Variants in SCFD1 observed in about 807,000 individuals in gnomAD.
SCFD1 encodes the protein sec1 family domain-containing protein 1.
In SCFD1, 37 loss-of-function variants were observed where a neutral mutation model predicts 103.2. The observed-to-expected ratio is 0.36, with a 90% CI of 0.28 to 0.47. The LOEUF (loss-of-function observed/expected upper bound fraction) is 0.47. Among genes scored for constraint, SCFD1 ranks in the 20% least tolerant of loss-of-function variants. The probability of loss-of-function intolerance (pLI) is 1.00; values close to 1 mark genes in which losing one functional copy is unlikely to be tolerated. For missense variants in SCFD1, 639 were observed against 761.2 expected, an observed-to-expected ratio of 0.84 and a Z score of 1.89; for synonymous variants, 264 against 245.0, an observed-to-expected ratio of 1.08 and a Z score of -0.73.
chr14:30,718,140 A>T (rs1892412709), intron 20 of SCFD1, among the ~76,000 whole-genome samples: 1 of 152,198 alleles, frequency 6.6e-6, no homozygotes, highest in South Asian at 2.1e-4. Flanking sequence ...AGAACTAGAG[A>T]GTTAAAGAAA....
chr14:30,634,005 C>T lies in SCFD1; in HGVS notation c.280C>T (p.Pro94Ser). The change falls in exon 4 of 25, where the codon CCA becomes TCA. Residue 94 changes from proline to serine, a missense_variant. Coordinates refer to ENST00000458591, the MANE Select transcript of SCFD1 (RefSeq NM_016106.4). ...PDVPAVYFVMPTEENIDRMCQ... is the reference protein window; with the variant it reads ...PDVPAVYFVMSTEENIDRMCQ... ...TGTTCCTGCAGTATACTTTGTAATGCCAACTGAAGAAAATATTGACAGAAT... is the reference window on the plus strand; with the variant it reads ...TGTTCCTGCAGTATACTTTGTAATGTCAACTGAAGAAAATATTGACAGAAT... The T allele has an allele frequency of 6.3e-7, 1 of 1,597,422 alleles. No individual in the cohort carries two copies. The highest frequency in any genetic ancestry group is 8.6e-7 in the Non-Finnish European group (1 of 1,168,782).
rs1293025184 is a variant in SCFD1, at chr14:30,653,480, T to C, written c.756-9T>C. ...GAGTTATGTAATTTTTTTATATGTA[T>C]ATTTACAGCTTCCAGAGGCCCTTAT... On this transcript the variant is annotated splice_polypyrimidine_tract_variant and intron_variant, in intron 9 of 24. Coordinates refer to ENST00000458591, the MANE Select transcript of SCFD1 (RefSeq NM_016106.4). 1.5e-5 allele frequency: 23 copies of C among 1,582,778 alleles called. No individual in the cohort carries two copies. The Admixed American group carries it at 3.9e-4, about 27-fold the overall frequency.
At chr14:30,691,346 A>G (rs1890283424) in intron 14 of SCFD1, among the ~76,000 whole-genome samples, 1 of 152,198 alleles carries the variant, frequency 6.6e-6, no homozygotes, top group Admixed American at 6.5e-5. Context: ...CATTTAATGG[A>G]TCACTTGTAT....
At chr14:30,650,235 C>T (rs1226394518) in intron 8 of SCFD1, among the ~76,000 whole-genome samples, 2 of 151,514 alleles carry the variant, frequency 1.3e-5, no homozygotes, top group African/African-American at 4.9e-5. Flanking sequence ...TCCATATAGA[C>T]ACCTTCCTTG....
At chr14:30,732,005 CTTA>C (rs1356695925) in intron 23 of SCFD1, among the ~76,000 whole-genome samples, 3 of 152,074 alleles carry the variant, frequency 2.0e-5, no homozygotes. Context: ...ATAAATAGCT[CTTA>C]TTATTTTGAG....
At chr14:30,625,605 GTATA>G (rs1883316470) in intron 1 of SCFD1, among the ~76,000 whole-genome samples, 2 of 60,296 alleles carry the variant, frequency 3.3e-5, no homozygotes, top group East Asian at 4.2e-4. Context: ...TTTGTTATAG[GTATA>G]GGTATACCTA....
intron 14 of SCFD1, chr14:30,683,385 T>A: frequency 1.8e-6 from 1 of 542,184 alleles, no homozygotes; most frequent in East Asian, 4.2e-5. Flanking sequence ...CAGGTCTTCA[T>A]ATATTGTGGC....
chr14:30,669,584 G>A (rs1214720822), intron 10 of SCFD1, among the ~76,000 whole-genome samples: 3 of 151,842 alleles, frequency 2.0e-5, no homozygotes, highest in African/African-American at 7.3e-5. Context: ...CAAAAATCAA[G>A]CCTCACGTGA....
intron 1 of SCFD1, among the ~76,000 whole-genome samples, chr14:30,624,628 C>T (rs1329530554): frequency 6.6e-6 from 1 of 152,160 alleles, no homozygotes; most frequent in Non-Finnish European, 1.5e-5. Flanking sequence ...TATTTGGTCT[C>T]TTTGCTTTTA....
intron 20 of SCFD1, among the ~76,000 whole-genome samples, chr14:30,717,655 G>A (rs900658968): frequency 2.6e-5 from 4 of 151,992 alleles, no homozygotes; most frequent in African/African-American, 9.7e-5. Flanking sequence ...ACTTTGGGAG[G>A]CCGAAGCAGG....
intron 14 of SCFD1, among the ~76,000 whole-genome samples, chr14:30,675,785 G>T (rs1345504414): frequency 6.6e-6 from 1 of 152,186 alleles, no homozygotes; most frequent in Non-Finnish European, 1.5e-5. Flanking sequence ...CTGGCTGTCA[G>T]AGAAGTTGAT....
At chr14:30,629,275 A>G (rs909783821) in intron 2 of SCFD1, among the ~76,000 whole-genome samples, 6 of 152,184 alleles carry the variant, frequency 3.9e-5, no homozygotes, top group African/African-American at 1.4e-4. Context: ...TTATAACTAG[A>G]GCAGAAAGAT....
rs1331311745 is a variant in SCFD1 at position 30,679,911 on chromosome 14, T to C, written c.1242+4846T>C. 2.6e-5 allele frequency among the ~76,000 whole-genome samples: 4 copies of C among 152,188 alleles called. No homozygotes were observed. In the South Asian group the frequency reaches 8.3e-4, roughly 32 times the overall value. Reference sequence around the variant, plus strand: ...GAAAAATATATTCTGTATCAGAAAGTTCACAGTGGATGAGCTATCACTTGT... The same window carrying C: ...GAAAAATATATTCTGTATCAGAAAGCTCACAGTGGATGAGCTATCACTTGT... On this transcript the variant is annotated intron_variant, in intron 14 of 24. Coordinates refer to ENST00000458591, the MANE Select transcript of SCFD1 (RefSeq NM_016106.4).
intron 1 of SCFD1, among the ~76,000 whole-genome samples, chr14:30,625,466 G>A (rs771956163): frequency 6.6e-6 from 1 of 152,074 alleles, no homozygotes; most frequent in Admixed American, 6.6e-5. Context: ...TATATTTAGA[G>A]CCAATAAGAA....
At chr14:30,733,467 A>G (rs1893626227) in intron 23 of SCFD1, among the ~76,000 whole-genome samples, 1 of 152,230 alleles carries the variant, frequency 6.6e-6, no homozygotes, top group Non-Finnish European at 1.5e-5. Context: ...GAAAAGAATG[A>G]TGATGAGTAA....
intron 10 of SCFD1, among the ~76,000 whole-genome samples, chr14:30,655,497 T>C (rs141024972): frequency 1.4e-3 from 213 of 152,336 alleles, no homozygotes; most frequent in African/African-American, 4.9e-3. Context: ...GATTCTAATA[T>C]ACATTTGAAG....
At chr14:30,700,548 C>A (rs1891011225) in intron 16 of SCFD1, among the ~76,000 whole-genome samples, 2 of 152,102 alleles carry the variant, frequency 1.3e-5, no homozygotes, top group African/African-American at 4.8e-5. Context: ...GTGGCGTGCG[C>A]CTGTAATCCC....
At chr14:30,694,680 T>C (rs1890568992) in intron 14 of SCFD1, 93 bp from the exon 15 acceptor site, 1 of 1,421,658 alleles carries the variant, frequency 7.0e-7, no homozygotes, top group Middle Eastern at 2.4e-4. Context: ...TATCTTAAAA[T>C]TGATCATAGA....
At chr14:30,626,843 A>G (rs527876431) in intron 1 of SCFD1, among the ~76,000 whole-genome samples, 19 of 152,326 alleles carry the variant, frequency 1.2e-4, no homozygotes, top group African/African-American at 4.3e-4. Context: ...TCACTGAAGT[A>G]CAATCTGTTC....
Sources: allele counts gnomAD v4.1 joint callset (sites outside exome capture counted in the v4.1 genomes callset), GRCh38; gene constraint gnomAD v4.1.1; transcripts MANE v1.5; gene names NCBI Gene and HGNC (gene_info 2026-07-23, HGNC 2026-07-21).